UBXN7: variants seen among roughly 807,000 people sequenced by gnomAD.
UBXN7 encodes the protein UBX domain-containing protein 7.
A neutral mutation model predicts 58.0 loss-of-function variants in UBXN7; 9 were observed. The observed-to-expected ratio is 0.16, with a 90% CI of 0.09 to 0.27. UBXN7 has a LOEUF of 0.27. UBXN7 is among the 10% of genes least tolerant of loss of function. The pLI is 1.00. For missense variants in UBXN7, 328 were observed against 599.6 expected (o/e 0.55, Z 4.73); for synonymous variants, 208 against 205.0 (o/e 1.01, Z -0.12).
In UBXN7 at chr3:196,356,626, C is replaced by G; in HGVS notation, c.*59G>C. 6.5e-7 allele frequency: 1 copy of G among 1,532,968 alleles called. No individual in the cohort carries two copies. The highest frequency in any genetic ancestry group is 8.7e-7 in the Non-Finnish European group (1 of 1,147,048). 95.0% of individuals were successfully genotyped at this position (1,532,968 alleles called of 1,614,324 possible). The stretch of plus-strand genomic sequence containing the variant: ...ATGAGCCAAAATGCATACTTAGTGA[C>G]ATGTATCTCACAGGAAAAGGGAAAA... On this transcript the variant is annotated 3_prime_UTR_variant, in exon 11 of 11. Coordinates refer to ENST00000296328, the MANE Select transcript of UBXN7 (RefSeq NM_015562.2).
At chr3:196,357,238 G>C (rs893439131) in intron 10 of UBXN7, among the ~76,000 whole-genome samples, 1 of 152,172 alleles carries the variant, frequency 6.6e-6, no homozygotes, top group Non-Finnish European at 1.5e-5. Context: ...CCTGTGCACT[G>C]AATCTCTTCT....
At chr3:196,375,749 C>T (rs1728998730) in intron 5 of UBXN7, among the ~76,000 whole-genome samples, 2 of 152,194 alleles carry the variant, frequency 1.3e-5, no homozygotes, top group Admixed American at 1.3e-4. Flanking sequence ...AGGATTTAGG[C>T]CTGGCATGGT....
intron 8 of UBXN7, among the ~76,000 whole-genome samples, chr3:196,363,988 A>G (rs1210228651): frequency 6.6e-6 from 1 of 152,220 alleles, no homozygotes; most frequent in Non-Finnish European, 1.5e-5. Context: ...CTAGAGAAAG[A>G]CAAGAATTAA....
At chr3:196,361,133 C>T (rs1013472404) in intron 10 of UBXN7, among the ~76,000 whole-genome samples, 1 of 152,094 alleles carries the variant, frequency 6.6e-6, no homozygotes, top group Non-Finnish European at 1.5e-5. Flanking sequence ...TGATTCCAAC[C>T]CTCATGGATG....
In UBXN7 at chr3:196,360,088, C is replaced by T. The variant is rs1355954686; in HGVS notation, c.1308+1756G>A. On this transcript the variant is annotated intron_variant, in intron 10 of 10. Coordinates refer to ENST00000296328, the MANE Select transcript of UBXN7 (RefSeq NM_015562.2). ...AAGGCTAAGGGAGTTAAGGAAGCTA[C>T]GAAAGAAAAGCTGGAAGCTAGCAGA... is the stretch of plus-strand genomic sequence containing the variant. Among the ~76,000 whole-genome samples, 7 of 152,052 alleles carry T rather than the reference C, an allele frequency of 4.6e-5. 1 individual carries two copies. The South Asian group carries it at 1.2e-3, about 27-fold the overall frequency.
In UBXN7 at chr3:196,369,582, C is replaced by T. The variant is rs950379782; in HGVS notation, c.616-71G>A. The stretch of plus-strand genomic sequence containing the variant: ...GAACCAACTATAACCTTCTTATACA[C>T]CAACATCAATTAGCTCTCCAAATAT... On this transcript the variant is annotated intron_variant, in intron 6 of 10. Transcript: ENST00000296328. 1.3e-5 allele frequency: 13 copies of T among 1,011,248 alleles called. No individual in the cohort carries two copies. In the South Asian group the frequency reaches 1.8e-4, roughly 14 times the overall value. 62.6% of individuals were successfully genotyped at this position (1,011,248 alleles called of 1,614,324 possible). A position where few individuals can be genotyped will look rare whatever the true frequency, so the allele number is the denominator to read the frequency against.
chr3:196,356,482 G>T lies in UBXN7; in HGVS notation c.*203C>A. Reference sequence around the variant, plus strand: ...GGGAGGCAGAAGGGTACGGAGTGGGGAGCGAGAAAACAGAAGAGGAGAAAG... The same window carrying T: ...GGGAGGCAGAAGGGTACGGAGTGGGTAGCGAGAAAACAGAAGAGGAGAAAG... On this transcript the variant is annotated 3_prime_UTR_variant, in exon 11 of 11. Coordinates refer to ENST00000296328, the MANE Select transcript of UBXN7 (RefSeq NM_015562.2). 1 of 529,276 alleles carries T rather than the reference G, an allele frequency of 1.9e-6. No homozygotes were observed. Among genetic ancestry groups the T allele is most frequent in the Non-Finnish European group, 3.2e-6 (1 of 311,766 alleles). The allele number at this position is 529,276 out of a possible 1,614,324, so 32.8% of individuals were successfully genotyped here.
chr3:196,363,233 T>C (rs1728556837), intron 8 of UBXN7, among the ~76,000 whole-genome samples: 1 of 131,354 alleles, frequency 7.6e-6, no homozygotes, highest in Admixed American at 8.1e-5. Context: ...CATACATACA[T>C]ACATACATAC....
intron 3 of UBXN7, among the ~76,000 whole-genome samples, chr3:196,401,297 A>ATATATATATATG (rs1464952780): frequency 2.0e-5 from 2 of 101,732 alleles, no homozygotes; most frequent in African/African-American, 9.1e-5. Context: ...ATATATATAT[A>ATATATATATATG]TACACACACA....
In UBXN7 at chr3:196,355,105, A is replaced by G. The variant is rs1728309956; in HGVS notation, c.*1580T>C. On this transcript the variant is annotated 3_prime_UTR_variant, in exon 11 of 11. Coordinates refer to ENST00000296328, the MANE Select transcript of UBXN7 (RefSeq NM_015562.2). ...TCTTTTCCCAAATCCCCTAATTGCCAAGAGAGCAATCTTAAAGTAGATGAA... is the reference window on the plus strand; with the variant it reads ...TCTTTTCCCAAATCCCCTAATTGCCGAGAGAGCAATCTTAAAGTAGATGAA... The G allele has an allele frequency of 6.6e-6, 1 of 152,166 alleles. No homozygotes were observed. Among genetic ancestry groups the G allele is most frequent in the African/African-American group, 2.4e-5 (1 of 41,442 alleles). The allele number at this position is 152,166 out of a possible 1,614,324, so 9.4% of individuals were successfully genotyped here. A position where few individuals can be genotyped will look rare whatever the true frequency, so the allele number is the denominator to read the frequency against.
At chr3:196,400,265 C>T (rs944533573) in intron 3 of UBXN7, 4 of 151,782 alleles carry the variant, frequency 2.6e-5, no homozygotes, top group African/African-American at 9.7e-5. Flanking sequence ...TTACAGACAA[C>T]CTGAAAGGGA....
In UBXN7 at chr3:196,385,396, G is replaced by C. The variant is rs538820349; in HGVS notation, c.468+6417C>G. Among the ~76,000 whole-genome samples the C allele has an allele frequency of 1.1e-4, 16 of 152,260 alleles. No individual in the cohort carries two copies. In the East Asian group the frequency reaches 3.1e-3, roughly 29 times the overall value. On this transcript the variant is annotated intron_variant, in intron 5 of 10. Coordinates refer to ENST00000296328, the MANE Select transcript of UBXN7 (RefSeq NM_015562.2). ...GCCTGCCTTGGCCTCCCAAAGTGCCGAGATTGCAGCCTCTGCCCGGCCGCC... is the reference window on the plus strand; with the variant it reads ...GCCTGCCTTGGCCTCCCAAAGTGCCCAGATTGCAGCCTCTGCCCGGCCGCC...
chr3:196,409,129 T>A (rs1730249146), intron 1 of UBXN7, among the ~76,000 whole-genome samples: 1 of 152,186 alleles, frequency 6.6e-6, no homozygotes, highest in Admixed American at 6.6e-5. Context: ...GGTAATCTCT[T>A]CAATGCTATC....
intron 8 of UBXN7, among the ~76,000 whole-genome samples, chr3:196,363,283 T>C (rs1436524229): frequency 6.6e-6 from 1 of 151,858 alleles, no homozygotes; most frequent in Non-Finnish European, 1.5e-5. Context: ...TTTTTCTTTC[T>C]TTTTTTAAGA....
intron 5 of UBXN7, among the ~76,000 whole-genome samples, chr3:196,375,728 C>T (rs1017742117): frequency 1.3e-5 from 2 of 152,120 alleles, no homozygotes; most frequent in Admixed American, 6.5e-5. Context: ...ATCAGGAAGG[C>T]ATGATAAAAA....
intron 8 of UBXN7, 24 bp from the exon 9 acceptor site, chr3:196,362,711 C>A: frequency 6.4e-7 from 1 of 1,567,816 alleles, no homozygotes. Context: ...TCATAAAACA[C>A]AGGAAAAAGA....
In UBXN7 at chr3:196,417,271, G is replaced by A. The variant is rs183274423; in HGVS notation, c.74-9878C>T. Among the ~76,000 whole-genome samples, 14 of 152,154 alleles carry A rather than the reference G, an allele frequency of 9.2e-5. No homozygotes were observed. In the East Asian group the frequency reaches 1.7e-3, roughly 19 times the overall value. On this transcript the variant is annotated intron_variant, in intron 1 of 10. Coordinates refer to ENST00000296328, the MANE Select transcript of UBXN7 (RefSeq NM_015562.2). ...AGCTTGCAGTGAGCCGAGATCGCGC[G>A]ACTGCACTCCAGCCTGGGAGACAGA...
intron 5 of UBXN7, among the ~76,000 whole-genome samples, chr3:196,377,116 G>A (rs1260256174): frequency 1.3e-5 from 2 of 151,922 alleles, no homozygotes; most frequent in Non-Finnish European, 2.9e-5. Context: ...ATTCCTTCTG[G>A]CATAATCATG....
intron 2 of UBXN7, among the ~76,000 whole-genome samples, chr3:196,404,980 C>G (rs1482388362): frequency 1.3e-5 from 2 of 152,032 alleles, no homozygotes; most frequent in Non-Finnish European, 2.9e-5. Context: ...AAGGCAAAAC[C>G]CCATCTTTAC....
Sources: allele counts gnomAD v4.1 joint callset (sites outside exome capture counted in the v4.1 genomes callset), GRCh38; gene constraint gnomAD v4.1.1; transcripts MANE v1.5; gene names NCBI Gene and HGNC (gene_info 2026-07-23, HGNC 2026-07-21).